UHRF1: variants seen among roughly 807,000 people sequenced by gnomAD.
UHRF1 encodes the protein ubiquitin like with PHD and ring finger domains 1.
A neutral mutation model predicts 96.5 loss-of-function variants in UHRF1; 9 were observed. That is an observed-to-expected ratio of 0.09 (90% CI 0.06 to 0.16). The LOEUF is 0.16. UHRF1 is among the 10% of genes least tolerant of loss of function. UHRF1 has a pLI of 1.00. For missense variants in UHRF1, 626 were observed against 1,131.1 expected (o/e 0.55, Z 6.40); for synonymous variants, 455 against 469.9 (o/e 0.97, Z 0.41).
chr19:4,914,889 G>C (rs2032433792), intron 2 of UHRF1, among the ~76,000 whole-genome samples: 1 of 152,100 alleles, frequency 6.6e-6, no homozygotes, highest in Non-Finnish European at 1.5e-5. Flanking sequence ...CCCTGTGCCA[G>C]GCTCACAATG....
intron 15 of UHRF1, among the ~76,000 whole-genome samples, chr19:4,955,148 G>A (rs891459175): frequency 1.3e-5 from 2 of 152,006 alleles, no homozygotes; most frequent in Non-Finnish European, 2.9e-5. Flanking sequence ...TGTCTCCCGG[G>A]GCTGTTGCAA....
In UHRF1 at chr19:4,960,882, TG is replaced by T. The variant is rs1363873004; in HGVS notation, c.*82del. ...TCATCGGCACTGATTTTGTTCTTAG[TG>T]GGCTTAACTTAAACAGGTAGTGTTT... On this transcript the variant is annotated 3_prime_UTR_variant, in exon 17 of 17. Transcript: ENST00000650932. 1.3e-6 allele frequency: 1 copy of T among 753,794 alleles called. No individual in the cohort carries two copies. The highest frequency in any genetic ancestry group is 1.9e-5 in the African/African-American group (1 of 53,732). 46.7% of individuals were successfully genotyped at this position (753,794 alleles called of 1,614,324 possible).
intron 5 of UHRF1, among the ~76,000 whole-genome samples, chr19:4,937,925 C>T (rs540853643): frequency 5.8e-4 from 88 of 151,998 alleles, no homozygotes; most frequent in Non-Finnish European, 1.1e-3. Context: ...CGGAGGTGGG[C>T]GGATCACTTG....
upstream of UHRF1, among the ~76,000 whole-genome samples, chr19:4,909,000 C>T (rs1022322524): frequency 5.3e-5 from 8 of 152,216 alleles, no homozygotes; most frequent in African/African-American, 1.9e-4. Flanking sequence ...ACAAGCCCTG[C>T]GGGTGGGTAG....
chr19:4,917,848 CTT>C (rs967993047), intron 2 of UHRF1, among the ~76,000 whole-genome samples: 2 of 151,770 alleles, frequency 1.3e-5, no homozygotes, highest in East Asian at 3.9e-4. Flanking sequence ...ATTGAAAAAA[CTT>C]TTTTGCAGAG....
intron 10 of UHRF1, among the ~76,000 whole-genome samples, chr19:4,946,540 G>A (rs1461743542): frequency 6.6e-6 from 1 of 151,634 alleles, no homozygotes; most frequent in African/African-American, 2.4e-5. Flanking sequence ...ATCCAGAAGT[G>A]GAATTCAAGA....
At position 4,943,112 on chromosome 19, in the gene UHRF1, C is replaced by T. The variant is rs577605780; in HGVS notation, c.1074-1020C>T. Among the ~76,000 whole-genome samples the T allele has an allele frequency of 8.6e-5, 13 of 151,818 alleles. No individual in the cohort carries two copies. The East Asian group carries it at 2.3e-3, about 27-fold the overall frequency. On this transcript the variant is annotated intron_variant, in intron 7 of 16. Transcript: ENST00000650932. Reference sequence around the variant, plus strand: ...AAAGTTAGCCAGGCGTGGTGCCACGCGCCTGTAATCCCAGCTACTCGGGAG... The same window carrying T: ...AAAGTTAGCCAGGCGTGGTGCCACGTGCCTGTAATCCCAGCTACTCGGGAG...
chr19:4,910,738 A>G (rs1008397095), intron 1 of UHRF1, 138 bp from the exon 2 acceptor site: 32 of 1,012,698 alleles, frequency 3.2e-5, no homozygotes, highest in Non-Finnish European at 5.6e-6. Context: ...GTCTGGCTGT[A>G]CAGGAGGACT....
chr19:4,932,816 G>A lies in UHRF1; in HGVS notation c.645G>A (p.Gln215=), dbSNP rs369258599. The part of the protein sequence containing the change: ...RARARTIIKW[Q]DLEVGQVVML... ...GCGCCCGCACCATCATCAAGTGGCAGGACCTGGAGGTGGGCCAGGTGGTCA... is the reference window on the plus strand; with the variant it reads ...GCGCCCGCACCATCATCAAGTGGCAAGACCTGGAGGTGGGCCAGGTGGTCA... Residue 215 remains glutamine, a synonymous_variant, in exon 5 of 17, where the codon CAG becomes CAA. Transcript: ENST00000650932. The A allele has an allele frequency of 1.3e-4, 204 of 1,613,774 alleles. No individual in the cohort carries two copies. The highest frequency in any genetic ancestry group is 1.5e-4 in the Non-Finnish European group (180 of 1,179,900).
rs1320067525 is a variant in UHRF1 at position 4,957,277 on chromosome 19, A to AT, written c.2235+464_2235+465insT. On this transcript the variant is annotated intron_variant, in intron 16 of 16. Transcript: ENST00000650932. ...GGACAAGTGGTCAGTCGTAGGAGGG[A>AT]CACAAGATCCCAGCTGATGGTTTTT... 3.6e-5 allele frequency among the ~76,000 whole-genome samples: 5 copies of AT among 138,488 alleles called. No homozygotes were observed. The East Asian group carries it at 1.1e-3, about 30-fold the overall frequency. 90.9% of individuals were successfully genotyped at this position (138,488 alleles called of 152,430 possible).
rs1256628680 is a variant in UHRF1, at chr19:4,954,101, A to G, written c.1819-249A>G. 2.0e-5 allele frequency among the ~76,000 whole-genome samples: 3 copies of G among 152,182 alleles called. No individual in the cohort carries two copies. Among genetic ancestry groups the G allele is most frequent in the Admixed American group, 6.5e-5 (1 of 15,272 alleles). On this transcript the variant is annotated intron_variant, in intron 13 of 16. Transcript: ENST00000650932. The surrounding 1 kb of genome is among the most constrained non-coding windows in gnomAD (Gnocchi z 5.9). ...GATGCAGCGCCTCTAGACGTTGGAC[A>G]CTTAGAACAGTGTGCAGTTTACAAC... is the stretch of plus-strand genomic sequence containing the variant.
intron 2 of UHRF1, among the ~76,000 whole-genome samples, chr19:4,916,909 T>G (rs1402901897): frequency 6.6e-6 from 1 of 152,172 alleles, no homozygotes; most frequent in Non-Finnish European, 1.5e-5. Flanking sequence ...ACACGGTCTT[T>G]GCTGAGCTCC....
chr19:4,942,473 A>G (rs2033436507), intron 7 of UHRF1, among the ~76,000 whole-genome samples: 1 of 151,038 alleles, frequency 6.6e-6, no homozygotes, highest in Non-Finnish European at 1.5e-5. Context: ...TATAGGCGTG[A>G]GCCACCTCGC....
chr19:4,928,304 G>T (rs1047829779), intron 2 of UHRF1, among the ~76,000 whole-genome samples: 2 of 151,828 alleles, frequency 1.3e-5, no homozygotes, highest in African/African-American at 4.8e-5. Context: ...TTGCCTTGGG[G>T]GCATCTAGAT....
At chr19:4,941,681 G>T (rs1391002223) in intron 6 of UHRF1, 53 bp downstream of exon 6, 8 of 1,578,044 alleles carry the variant, frequency 5.1e-6, no homozygotes, top group Non-Finnish European at 6.9e-6. Flanking sequence ...CGGGGCGGGG[G>T]CTCTTGTCCC....
rs898973483 is a variant in UHRF1, at chr19:4,912,186, C to T, written c.153+1148C>T. The stretch of plus-strand genomic sequence containing the variant: ...CCCCGGGAGGAGGCGATCTGGAGAA[C>T]TTGGGGAGTTGACGGTGCAAGCCGC... On this transcript the variant is annotated intron_variant, in intron 2 of 16. Transcript: ENST00000650932. Among the ~76,000 whole-genome samples, 34 of 152,164 alleles carry T rather than the reference C, an allele frequency of 2.2e-4. 1 individual carries two copies. Among genetic ancestry groups the T allele is most frequent in the African/African-American group, 6.8e-4 (28 of 41,444 alleles).
intron 2 of UHRF1, among the ~76,000 whole-genome samples, chr19:4,923,494 CT>C (rs2032768623): frequency 6.6e-6 from 1 of 152,350 alleles, no homozygotes; most frequent in South Asian, 2.1e-4. Flanking sequence ...TTGGCTGCCC[CT>C]GGCTGCCCCA....
chr19:4,948,967 C>CAAAA (rs55757803), intron 11 of UHRF1, among the ~76,000 whole-genome samples: 25 of 51,136 alleles, frequency 4.9e-4, no homozygotes, highest in East Asian at 1.1e-3. Context: ...ACTAAGAATA[C>CAAAA]AAAAAAAAAA....
At chr19:4,950,036 A>AT (rs35941264) in intron 11 of UHRF1, among the ~76,000 whole-genome samples, 31,911 of 136,204 alleles carry the variant, frequency 0.23, 4,187 homozygotes, top group East Asian at 0.65. Flanking sequence ...ACGCCTGGCT[A>AT]TTTTTTTTTT....
Sources: allele counts gnomAD v4.1 joint callset (sites outside exome capture counted in the v4.1 genomes callset), GRCh38; gene constraint gnomAD v4.1.1; non-coding constraint Gnocchi (gnomAD v3.1); transcripts MANE v1.5; gene names NCBI Gene and HGNC (gene_info 2026-07-23, HGNC 2026-07-21).